The following PKHD1 variants were observed in gnomAD, a reference collection of about 807,000 sequenced individuals.
PKHD1 encodes PKHD1 ciliary IPT domain containing fibrocystin/polyductin, also known as fibrocystin.
In PKHD1, 291 loss-of-function variants were observed where a neutral mutation model predicts 412.0. The ratio of observed to expected loss-of-function variants is 0.71; its 90% CI spans 0.64 to 0.78. PKHD1 has a LOEUF of 0.78. Ranked by LOEUF, PKHD1 falls within the 30% of genes least tolerant of loss-of-function variation. PKHD1 has a pLI of 0.00. For synonymous variants in PKHD1, 1,777 were observed against 1,821.5 expected, an observed-to-expected ratio of 0.98 and a Z score of 0.62; for missense variants, 4,825 against 4,950.7, an observed-to-expected ratio of 0.97 and a Z score of 0.76.
rs1389554245 is a variant in PKHD1 at position 52,058,542 on chromosome 6, A to G, written c.1293T>C (p.Asn431=). 9 of 1,614,024 alleles carry G rather than the reference A, an allele frequency of 5.6e-6. No homozygotes were observed. In the Admixed American group the frequency reaches 6.7e-5, roughly 12 times the overall value. ...TCTGCTGCCAGGTCCCTTCATCCCT[A>G]TTCTGCTCCCAGGAGTCAAACCAGT... ...TADWFDSWEQ[N]RDEGTWQQKT... The change falls in exon 16 of 67, where the codon AAT becomes AAC. Residue 431 remains asparagine, a synonymous_variant. Coordinates refer to ENST00000371117, the MANE Select transcript of PKHD1 (RefSeq NM_138694.4).
chr6:51,651,958 A>G (rs2661500), intron 61 of PKHD1, among the ~76,000 whole-genome samples: 140,596 of 152,166 alleles, frequency 0.92, 65,118 homozygotes, highest in East Asian at 1. Context: ...TCCAAACATC[A>G]TTACATGCTG....
intron 34 of PKHD1, among the ~76,000 whole-genome samples, chr6:52,015,653 T>C (rs1329741724): frequency 6.6e-6 from 1 of 151,786 alleles, no homozygotes; most frequent in Non-Finnish European, 1.5e-5. Flanking sequence ...TGAAACCCCA[T>C]CTCTACTAAA....
intron 60 of PKHD1, chr6:51,741,223 G>A (rs1421843262): frequency 1.9e-6 from 1 of 517,942 alleles, no homozygotes; most frequent in African/African-American, 1.9e-5. Context: ...GATTAAACAT[G>A]GAGAATCTGA....
intron 60 of PKHD1, among the ~76,000 whole-genome samples, chr6:51,672,021 C>G (rs1210617943): frequency 6.6e-6 from 1 of 152,162 alleles, no homozygotes; most frequent in Admixed American, 6.5e-5. Flanking sequence ...GAAAGGTTTT[C>G]TCATGTATGA....
intron 37 of PKHD1, 56 bp from the exon 38 acceptor site, chr6:51,912,632 ATTAAT>A (rs375858808): frequency 2.6e-6 from 3 of 1,148,236 alleles, no homozygotes; most frequent in African/African-American, 3.0e-5. Flanking sequence ...TCAAAACGTG[ATTAAT>A]TTAATCATTA....
intron 37 of PKHD1, among the ~76,000 whole-genome samples, chr6:51,917,293 T>C (rs1176254992): frequency 6.6e-6 from 1 of 151,936 alleles, no homozygotes; most frequent in Non-Finnish European, 1.5e-5. Context: ...AAACTAGAAA[T>C]ATTGTCCTCA....
chr6:51,960,313 C>A (rs1395522692), intron 35 of PKHD1, among the ~76,000 whole-genome samples: 1 of 152,096 alleles, frequency 6.6e-6, no homozygotes, highest in Non-Finnish European at 1.5e-5. Flanking sequence ...TGCCCAGCCC[C>A]TGGAATTCTC....
intron 48 of PKHD1, among the ~76,000 whole-genome samples, chr6:51,865,742 G>A (rs1257509533): frequency 6.6e-6 from 1 of 152,186 alleles, no homozygotes; most frequent in Non-Finnish European, 1.5e-5. Flanking sequence ...AACTCTTAGG[G>A]TGCTTGCCCC....
At chr6:51,899,389 C>A (rs139396294) in intron 43 of PKHD1, among the ~76,000 whole-genome samples, 15,164 of 151,992 alleles carry the variant, frequency 0.1, 997 homozygotes, top group Middle Eastern at 0.15. Context: ...TGTAATCCAG[C>A]ATATAAACAG....
At chr6:51,769,815 A>G (rs1185596990) in intron 55 of PKHD1, among the ~76,000 whole-genome samples, 3 of 151,548 alleles carry the variant, frequency 2.0e-5, no homozygotes, top group Non-Finnish European at 3.0e-5. Flanking sequence ...ATGTTCTATA[A>G]TATCTCGTAC....
At chr6:51,701,161 G>A (rs1779358685) in intron 60 of PKHD1, among the ~76,000 whole-genome samples, 1 of 152,044 alleles carries the variant, frequency 6.6e-6, no homozygotes, top group Non-Finnish European at 1.5e-5. Context: ...TTAACTCTGG[G>A]TTGTATTTTA....
chr6:52,053,892 G>A, intron 20 of PKHD1, 146 bp downstream of exon 20: 1 of 814,470 alleles, frequency 1.2e-6, no homozygotes, highest in South Asian at 1.6e-5. Flanking sequence ...AAACTTTTTT[G>A]TCAAATAAAA....
At chr6:51,982,891 A>AAAAT (rs1491490489) in intron 35 of PKHD1, among the ~76,000 whole-genome samples, 1 of 45,236 alleles carries the variant, frequency 2.2e-5, no homozygotes, top group African/African-American at 4.0e-5. Flanking sequence ...AAAATAAAAT[A>AAAAT]AAAAAAAGAG....
At chr6:52,054,575 G>A (rs908411013) in intron 19 of PKHD1, among the ~76,000 whole-genome samples, 1 of 152,054 alleles carries the variant, frequency 6.6e-6, no homozygotes, top group African/African-American at 2.4e-5. Context: ...CAGCATCCTT[G>A]GTTTCTAACT....
chr6:52,086,767 T>G (rs965780086), intron 1 of PKHD1, among the ~76,000 whole-genome samples: 2 of 152,258 alleles, frequency 1.3e-5, no homozygotes, highest in Admixed American at 6.5e-5. Context: ...ATTCAGCAAG[T>G]GTTCCTTTTC....
At chr6:51,663,527 G>A (rs561050123) in intron 60 of PKHD1, among the ~76,000 whole-genome samples, 1 of 152,194 alleles carries the variant, frequency 6.6e-6, no homozygotes, top group African/African-American at 2.4e-5. Context: ...ATCTCTTCAG[G>A]TCAGGGACAA....
At chr6:51,642,198 G>C (rs1769457054) in intron 63 of PKHD1, among the ~76,000 whole-genome samples, 1 of 152,050 alleles carries the variant, frequency 6.6e-6, no homozygotes, top group Non-Finnish European at 1.5e-5. Context: ...ATAAGTGTCA[G>C]GACAAAGTAA....
intron 18 of PKHD1, 86 bp from the exon 19 acceptor site, chr6:52,055,815 G>T: frequency 7.0e-7 from 1 of 1,432,284 alleles, no homozygotes; most frequent in East Asian, 2.3e-5. Flanking sequence ...GAGGATTTTA[G>T]AGTATCTCAC....
chr6:51,711,788 T>A (rs750457137), intron 60 of PKHD1, among the ~76,000 whole-genome samples: 1 of 152,252 alleles, frequency 6.6e-6, no homozygotes, highest in Non-Finnish European at 1.5e-5. Flanking sequence ...AAGAAATGTG[T>A]ATTTTATTAA....
Sources: gnomAD v4.1 joint callset for allele counts (sites outside exome capture counted in the v4.1 genomes callset) on GRCh38, gnomAD v4.1.1 for gene constraint, MANE v1.5 for transcripts, NCBI Gene and HGNC (gene_info 2026-07-23, HGNC 2026-07-21) for gene names.